Variants in HS6ST3 observed in about 807,000 individuals in gnomAD.
HS6ST3 encodes heparan-sulfate 6-O-sulfotransferase 3.
Under a neutral mutation model 36.7 loss-of-function variants are expected in HS6ST3, and 12 were observed. The observed-to-expected ratio is 0.33, with a 90% confidence interval of 0.21 to 0.53. The LOEUF (loss-of-function observed/expected upper bound fraction) is 0.53. Ranked by LOEUF, HS6ST3 falls within the 20% of genes least tolerant of loss-of-function variation. The pLI is 0.95. For synonymous variants in HS6ST3, 240 were observed against 257.5 expected, an observed-to-expected ratio of 0.93 and a Z score of 0.65; for missense variants, 584 against 640.9, an observed-to-expected ratio of 0.91 and a Z score of 0.96.
intron 1 of HS6ST3, among the ~76,000 whole-genome samples, chr13:96,823,906 A>T (rs977232350): frequency 6.6e-6 from 1 of 152,176 alleles, no homozygotes; most frequent in African/African-American, 2.4e-5. Context: ...TGCAAGCCAC[A>T]GCACCCAGTC....
At chr13:96,454,347 G>A (rs991458021) in intron 1 of HS6ST3, among the ~76,000 whole-genome samples, 2 of 152,070 alleles carry the variant, frequency 1.3e-5, no homozygotes, top group Non-Finnish European at 2.9e-5. Context: ...GAGTGACTAT[G>A]TATAATAGCA....
intron 1 of HS6ST3, among the ~76,000 whole-genome samples, chr13:96,741,252 C>T (rs147405645): frequency 6.6e-6 from 1 of 152,142 alleles, no homozygotes; most frequent in African/African-American, 2.4e-5. Context: ...CCGAAGATTC[C>T]CTTGCTATTT....
chr13:96,561,076 C>A (rs1409818854), intron 1 of HS6ST3, among the ~76,000 whole-genome samples: 1 of 151,908 alleles, frequency 6.6e-6, no homozygotes, highest in Non-Finnish European at 1.5e-5. Flanking sequence ...AAGACTGAAG[C>A]AATCCCAAGC....
rs144263527 is a variant in HS6ST3 at position 96,091,330 on chromosome 13, G to T, written c.468G>T (p.Thr156=). The stretch of plus-strand genomic sequence containing the variant: ...TCGTGTTCCTCCACATCCAGAAGAC[G>T]GGGGGCACCACTTTCGGCCGGCACC... ...DVIVFLHIQK[T]GGTTFGRHLV... Residue 156 remains threonine, a synonymous_variant, in exon 1 of 2, where the codon ACG becomes ACT. Coordinates refer to ENST00000376705, the MANE Select transcript of HS6ST3 (RefSeq NM_153456.4). 1.2e-3 allele frequency: 2,010 copies of T among 1,614,016 alleles called. 5 individuals are homozygous for T. The highest frequency in any genetic ancestry group is 1.3e-3 in the Non-Finnish European group (1,550 of 1,179,992).
chr13:96,273,499 G>A (rs1017827571), intron 1 of HS6ST3, among the ~76,000 whole-genome samples: 9 of 151,918 alleles, frequency 5.9e-5, no homozygotes, highest in Non-Finnish European at 1.0e-4. Context: ...TGAGACAACA[G>A]GTATAAACCA....
At chr13:96,779,620 A>T (rs898566641) in intron 1 of HS6ST3, among the ~76,000 whole-genome samples, 1 of 152,090 alleles carries the variant, frequency 6.6e-6, no homozygotes, top group African/African-American at 2.4e-5. Flanking sequence ...TCAGAGTCTA[A>T]AAAGAGATTC....
chr13:96,768,937 A>T (rs1014862311), intron 1 of HS6ST3, among the ~76,000 whole-genome samples: 1 of 152,128 alleles, frequency 6.6e-6, no homozygotes, highest in Non-Finnish European at 1.5e-5. Flanking sequence ...CCCAGAATGT[A>T]GCAGGTTGAC....
chr13:96,456,856 G>A (rs2055756708), intron 1 of HS6ST3, among the ~76,000 whole-genome samples: 1 of 151,748 alleles, frequency 6.6e-6, no homozygotes, highest in Non-Finnish European at 1.5e-5. Flanking sequence ...TTCTTTCTCC[G>A]ATTAAGTATT....
At chr13:96,439,513 A>G (rs964964816) in intron 1 of HS6ST3, among the ~76,000 whole-genome samples, 2 of 152,240 alleles carry the variant, frequency 1.3e-5, no homozygotes, top group South Asian at 4.1e-4. Flanking sequence ...GTGAGAATAC[A>G]GATTCTGGAA....
intron 1 of HS6ST3, among the ~76,000 whole-genome samples, chr13:96,480,040 G>A (rs1164373668): frequency 6.6e-6 from 1 of 152,120 alleles, no homozygotes; most frequent in Non-Finnish European, 1.5e-5. Flanking sequence ...GCTCAGGAGT[G>A]GGAAACATTC....
intron 1 of HS6ST3, among the ~76,000 whole-genome samples, chr13:96,274,472 C>T (rs554000540): frequency 5.3e-5 from 8 of 152,202 alleles, no homozygotes; most frequent in Admixed American, 2.0e-4. Flanking sequence ...GTAGTTACTC[C>T]ATGTGTGTCT....
At chr13:96,184,897 A>G (rs1304349849) in intron 1 of HS6ST3, among the ~76,000 whole-genome samples, 1 of 152,124 alleles carries the variant, frequency 6.6e-6, no homozygotes, top group Non-Finnish European at 1.5e-5. Context: ...CTTCCCTGCT[A>G]TCCCGCCAGG....
In HS6ST3 at chr13:96,487,350, C is replaced by T. The variant is rs1004108745; in HGVS notation, c.708-345140C>T. On this transcript the variant is annotated intron_variant, in intron 1 of 1. Coordinates refer to ENST00000376705, the MANE Select transcript of HS6ST3 (RefSeq NM_153456.4). ...GGGATATTTGAGGTTTTTCAGAGCA[C>T]TTGTTGAGTTGATGTTGGCTTAGGT... Among the ~76,000 whole-genome samples the T allele has an allele frequency of 7.2e-5, 11 of 152,062 alleles. 1 individual carries two copies. Among genetic ancestry groups the T allele is most frequent in the African/African-American group, 2.4e-4 (10 of 41,416 alleles).
At chr13:96,719,592 T>A (rs1875794974) in intron 1 of HS6ST3, among the ~76,000 whole-genome samples, 1 of 152,214 alleles carries the variant, frequency 6.6e-6, no homozygotes, top group Non-Finnish European at 1.5e-5. Context: ...TAAAGCCAGC[T>A]TGCTTAGACT....
chr13:96,115,927 T>C (rs1467006100), intron 1 of HS6ST3, among the ~76,000 whole-genome samples: 2 of 152,232 alleles, frequency 1.3e-5, no homozygotes, highest in Non-Finnish European at 2.9e-5. Flanking sequence ...GACTTTTTAA[T>C]AATCACCATT....
At chr13:96,202,175 A>G (rs2054345583) in intron 1 of HS6ST3, among the ~76,000 whole-genome samples, 1 of 152,224 alleles carries the variant, frequency 6.6e-6, no homozygotes, top group Non-Finnish European at 1.5e-5. Context: ...AAATGAATTG[A>G]TCTGACACCA....
At chr13:96,473,798 A>G (rs2138892441) in intron 1 of HS6ST3, among the ~76,000 whole-genome samples, 1 of 152,330 alleles carries the variant, frequency 6.6e-6, no homozygotes, top group South Asian at 2.1e-4. Flanking sequence ...GCCAAAGTCA[A>G]GAGGCCACTG....
chr13:96,565,713 A>G (rs1009650508), intron 1 of HS6ST3, among the ~76,000 whole-genome samples: 14 of 152,144 alleles, frequency 9.2e-5, no homozygotes, highest in Non-Finnish European at 1.5e-5. Context: ...AGGTTCTAAA[A>G]TCTGTGGGTA....
At chr13:96,321,194 C>T (rs765030704) in intron 1 of HS6ST3, among the ~76,000 whole-genome samples, 7 of 151,736 alleles carry the variant, frequency 4.6e-5, no homozygotes, top group Non-Finnish European at 1.0e-4. Context: ...TAAAAATGTG[C>T]TTCAGTCTAT....
Sources: allele counts gnomAD v4.1 joint callset (sites outside exome capture counted in the v4.1 genomes callset), GRCh38; gene constraint gnomAD v4.1.1; transcripts MANE v1.5; gene names NCBI Gene and HGNC (gene_info 2026-07-23, HGNC 2026-07-21).